IRAK2: variants seen among roughly 807,000 people sequenced by gnomAD.
IRAK2 encodes the protein interleukin 1 receptor associated kinase 2, also known as interleukin-1 receptor-associated kinase-like 2.
A neutral mutation model predicts 72.0 loss-of-function variants in IRAK2; 57 were observed. That is an observed-to-expected ratio of 0.79 (90% CI 0.64 to 0.99). IRAK2 has a LOEUF of 0.99. IRAK2 is among the 50% of genes least tolerant of loss of function. The pLI is 0.00. For synonymous variants in IRAK2, 293 were observed against 312.7 expected (o/e 0.94, Z 0.67); for missense variants, 790 against 794.4 (o/e 0.99, Z 0.07).
chr3:10,218,605 C>A (rs1697641960), intron 7 of IRAK2, among the ~76,000 whole-genome samples: 3 of 152,098 alleles, frequency 2.0e-5, no homozygotes, highest in African/African-American at 7.2e-5. Context: ...CTTGCAAACA[C>A]AAGCTCCCTA....
Position 10,165,057 on chromosome 3 carries a change from G to A in IRAK2, c.94+9G>A. 2 of 1,605,100 alleles carry A rather than the reference G, an allele frequency of 1.2e-6. No individual in the cohort carries two copies. Among genetic ancestry groups the A allele is most frequent in the Non-Finnish European group, 1.7e-6 (2 of 1,176,222 alleles). On this transcript the variant is annotated intron_variant, in intron 1 of 12. Coordinates refer to ENST00000256458, the MANE Select transcript of IRAK2 (RefSeq NM_001570.4). The stretch of plus-strand genomic sequence containing the variant: ...GGACTGGATGGAGTTCGGTGAGTGC[G>A]GCCCGGGGAGGGGAGGGGACCAGGG...
chr3:10,203,430 C>A (rs561222790), intron 3 of IRAK2, among the ~76,000 whole-genome samples: 1 of 152,348 alleles, frequency 6.6e-6, no homozygotes, highest in South Asian at 2.1e-4. Context: ...TCATTCATTT[C>A]ATCAAACCAC....
chr3:10,238,660 C>T (rs1025131776), intron 11 of IRAK2, 88 bp from the exon 12 acceptor site: 42 of 1,279,868 alleles, frequency 3.3e-5, no homozygotes, highest in East Asian at 1.6e-4. Context: ...GTCTGCTCCC[C>T]GCCCCCTCTC....
chr3:10,187,567 C>G (rs1697097286), intron 2 of IRAK2, among the ~76,000 whole-genome samples: 1 of 152,186 alleles, frequency 6.6e-6, no homozygotes, highest in Non-Finnish European at 1.5e-5. Context: ...TACCCTGCTG[C>G]AAACAAAAGG....
At chr3:10,204,732 GAGAA>G (rs1697410899) in intron 3 of IRAK2, among the ~76,000 whole-genome samples, 1 of 152,166 alleles carries the variant, frequency 6.6e-6, no homozygotes, top group Non-Finnish European at 1.5e-5. Context: ...TTGGGTGACA[GAGAA>G]AGACTCTGTT....
At chr3:10,171,365 G>C (rs531302793) in intron 1 of IRAK2, among the ~76,000 whole-genome samples, 2 of 152,236 alleles carry the variant, frequency 1.3e-5, no homozygotes, top group Admixed American at 1.3e-4. Flanking sequence ...TCACAGTGTT[G>C]CTGAGAGGCT....
At chr3:10,194,020 G>A (rs554815641) in intron 2 of IRAK2, among the ~76,000 whole-genome samples, 61 of 152,398 alleles carry the variant, frequency 4.0e-4, no homozygotes, top group African/African-American at 9.4e-4. Flanking sequence ...TTTTCTATCT[G>A]CACCTTTCTG....
intron 2 of IRAK2, among the ~76,000 whole-genome samples, chr3:10,192,103 C>T (rs374195480): frequency 1.3e-5 from 2 of 150,726 alleles, no homozygotes; most frequent in South Asian, 2.1e-4. Flanking sequence ...AGGGCCAAAC[C>T]CAGGGATTAG....
At chr3:10,198,553 G>A (rs1351079091) in intron 2 of IRAK2, among the ~76,000 whole-genome samples, 2 of 152,186 alleles carry the variant, frequency 1.3e-5, no homozygotes, top group South Asian at 2.1e-4. Context: ...TCACTTATCT[G>A]AGCCTCAATA....
At position 10,197,783 on chromosome 3, in the gene IRAK2, C is replaced by T. The variant is rs987804531; in HGVS notation, c.278-2586C>T. 4.7e-5 allele frequency among the ~76,000 whole-genome samples: 7 copies of T among 148,662 alleles called. No homozygotes were observed. The East Asian group carries it at 6.0e-4, about 13-fold the overall frequency. On this transcript the variant is annotated intron_variant, in intron 2 of 12. Transcript: ENST00000256458. ...AGAAGAATGGCGTGAACCTGGGAGGCGGAGCTTGTAGTGAGCCGAGATTGT... is the reference window on the plus strand; with the variant it reads ...AGAAGAATGGCGTGAACCTGGGAGGTGGAGCTTGTAGTGAGCCGAGATTGT...
chr3:10,200,743 T>TA (rs1180753363), intron 3 of IRAK2, among the ~76,000 whole-genome samples: 1 of 151,942 alleles, frequency 6.6e-6, no homozygotes, highest in African/African-American at 2.4e-5. Context: ...CAAAAAATTT[T>TA]AAAAAAATCA....
intron 2 of IRAK2, among the ~76,000 whole-genome samples, chr3:10,192,915 GCA>G (rs1444023701): frequency 2.6e-5 from 4 of 152,060 alleles, no homozygotes; most frequent in African/African-American, 9.7e-5. Context: ...CGAGACTATA[GCA>G]AATGATGGTA....
chr3:10,186,466 G>A (rs946371090), intron 2 of IRAK2, among the ~76,000 whole-genome samples: 8 of 151,710 alleles, frequency 5.3e-5, no homozygotes, highest in Non-Finnish European at 1.0e-4. Flanking sequence ...TGGCTTCTGC[G>A]CTTAGCCTCG....
At chr3:10,231,376 C>T (rs778040) in intron 10 of IRAK2, among the ~76,000 whole-genome samples, 31,500 of 152,008 alleles carry the variant, frequency 0.21, 4,522 homozygotes, top group East Asian at 0.72. Flanking sequence ...ACCACAACCT[C>T]TGTCTCCCAG....
chr3:10,185,073 C>T (rs1216943759), intron 2 of IRAK2, among the ~76,000 whole-genome samples: 4 of 151,074 alleles, frequency 2.6e-5, no homozygotes, highest in African/African-American at 9.9e-5. Flanking sequence ...TTTGCTTGGC[C>T]CATCTGGCAG....
chr3:10,168,624 G>A (rs903984761), intron 1 of IRAK2, among the ~76,000 whole-genome samples: 5 of 152,168 alleles, frequency 3.3e-5, no homozygotes, highest in African/African-American at 9.7e-5. Context: ...TCCTGTGCTT[G>A]TTGGCCATTT....
At chr3:10,210,697 G>C (rs1426124331) in intron 4 of IRAK2, among the ~76,000 whole-genome samples, 1 of 151,986 alleles carries the variant, frequency 6.6e-6, no homozygotes, top group Non-Finnish European at 1.5e-5. Context: ...GACCAGCCTA[G>C]GCAACACAGG....
chr3:10,226,227 T>C (rs2125161441), intron 9 of IRAK2, 144 bp from the exon 10 acceptor site: 1 of 571,584 alleles, frequency 1.7e-6, no homozygotes, highest in Non-Finnish European at 3.2e-6. Context: ...GATATTCCCA[T>C]GTTCCAGATT....
intron 2 of IRAK2, among the ~76,000 whole-genome samples, chr3:10,196,670 T>C (rs1329822307): frequency 2.0e-5 from 3 of 152,232 alleles, no homozygotes; most frequent in Non-Finnish European, 2.9e-5. Flanking sequence ...CGTCAGTGGT[T>C]CTGGGAGGAG....
Sources: allele counts gnomAD v4.1 joint callset (sites outside exome capture counted in the v4.1 genomes callset), GRCh38; gene constraint gnomAD v4.1.1; transcripts MANE v1.5; gene names NCBI Gene and HGNC (gene_info 2026-07-23, HGNC 2026-07-21).